Variants in DLGAP1 observed in about 807,000 individuals in gnomAD.
The protein encoded by DLGAP1 is DLG associated protein 1.
Under a neutral mutation model 90.8 loss-of-function variants are expected in DLGAP1, and 11 were observed. The observed-to-expected ratio is 0.12, with a 90% CI of 0.08 to 0.20. The LOEUF (loss-of-function observed/expected upper bound fraction) is 0.20. DLGAP1 is among the 10% of genes least tolerant of loss of function. DLGAP1 has a pLI of 1.00. For synonymous variants in DLGAP1, 558 were observed against 540.7 expected (o/e 1.03, Z -0.44); for missense variants, 1,050 against 1,333.8 (o/e 0.79, Z 3.31).
At chr18:3,707,101 T>G (rs2061457707) in intron 7 of DLGAP1, among the ~76,000 whole-genome samples, 1 of 152,108 alleles carries the variant, frequency 6.6e-6, no homozygotes, top group Non-Finnish European at 1.5e-5. Context: ...TAAGCCAAGA[T>G]CTAGTATTTG....
intron 4 of DLGAP1, among the ~76,000 whole-genome samples, chr18:3,828,311 TG>T (rs2067833878): frequency 1.3e-5 from 2 of 152,068 alleles, no homozygotes; most frequent in Admixed American, 6.6e-5. Context: ...CATCAGCCTC[TG>T]GGGGCCAGGG....
At chr18:3,809,113 A>G (rs2066704395) in intron 5 of DLGAP1, among the ~76,000 whole-genome samples, 1 of 152,154 alleles carries the variant, frequency 6.6e-6, no homozygotes, top group Admixed American at 6.5e-5. Flanking sequence ...TCGATGAATC[A>G]TGGTGGCTGG....
intron 7 of DLGAP1, among the ~76,000 whole-genome samples, chr18:3,640,183 A>C (rs2058887744): frequency 6.6e-6 from 1 of 152,150 alleles, no homozygotes; most frequent in South Asian, 2.1e-4. Context: ...TATTTAAAAA[A>C]TAGATATAAA....
chr18:4,185,195 TA>T (rs1234710177), intron 1 of DLGAP1, among the ~76,000 whole-genome samples: 3 of 152,090 alleles, frequency 2.0e-5, no homozygotes, highest in Non-Finnish European at 4.4e-5. Context: ...GCTTTAATAT[TA>T]AATACAATAA....
chr18:4,226,181 G>GAA (rs1199127762), intron 1 of DLGAP1, among the ~76,000 whole-genome samples: 1 of 152,012 alleles, frequency 6.6e-6, no homozygotes, highest in African/African-American at 2.4e-5. Flanking sequence ...ATTGATCTTA[G>GAA]AATAGGATAT....
chr18:3,664,191 C>A (rs1227263748), intron 7 of DLGAP1, among the ~76,000 whole-genome samples: 1 of 130,256 alleles, frequency 7.7e-6, no homozygotes, highest in African/African-American at 3.5e-5. Context: ...TATACACACA[C>A]ACACACACAC....
At chr18:3,679,392 A>C (rs113441777) in intron 7 of DLGAP1, among the ~76,000 whole-genome samples, 20 of 152,190 alleles carry the variant, frequency 1.3e-4, no homozygotes, top group African/African-American at 3.6e-4. Context: ...GAGAATGAAT[A>C]GCAACTTTGA....
At chr18:4,415,341 G>T (rs2144641216) in intron 1 of DLGAP1, among the ~76,000 whole-genome samples, 1 of 152,216 alleles carries the variant, frequency 6.6e-6, no homozygotes, top group South Asian at 2.1e-4. Context: ...TGGCACATGT[G>T]ATATGACAAT....
chr18:3,833,210 CT>C, intron 4 of DLGAP1, among the ~76,000 whole-genome samples: 2 of 50,512 alleles, frequency 4.0e-5, no homozygotes, highest in Non-Finnish European at 7.7e-5. Flanking sequence ...TCCTTCCTTC[CT>C]TCCTTCCTTC....
chr18:4,194,833 C>T (rs1413159572), intron 1 of DLGAP1, among the ~76,000 whole-genome samples: 2 of 152,030 alleles, frequency 1.3e-5, no homozygotes, highest in Admixed American at 6.6e-5. Context: ...TTATGGGACA[C>T]AAAGTCACGG....
chr18:3,754,301 C>T (rs1163136668), intron 5 of DLGAP1, among the ~76,000 whole-genome samples: 1 of 152,132 alleles, frequency 6.6e-6, no homozygotes, highest in African/African-American at 2.4e-5. Flanking sequence ...CGTACTCAGC[C>T]TCCTACTTCA....
At chr18:3,891,188 C>G (rs1599115973) in intron 3 of DLGAP1, among the ~76,000 whole-genome samples, 1 of 152,318 alleles carries the variant, frequency 6.6e-6, no homozygotes, top group South Asian at 2.1e-4. Context: ...ACTGTTTCCT[C>G]AGCTCTGCCC....
intron 1 of DLGAP1, among the ~76,000 whole-genome samples, chr18:4,360,543 A>C (rs1258082768): frequency 6.6e-6 from 1 of 152,228 alleles, no homozygotes; most frequent in Non-Finnish European, 1.5e-5. Context: ...AACATAGATA[A>C]ATAAAGCAAG....
intron 1 of DLGAP1, among the ~76,000 whole-genome samples, chr18:4,329,558 A>G (rs612419): frequency 0.22 from 33,398 of 151,794 alleles, 3,780 homozygotes; most frequent in Middle Eastern, 0.28. Context: ...TTAATTCACT[A>G]GGATTACATT....
intron 7 of DLGAP1, among the ~76,000 whole-genome samples, chr18:3,728,389 C>T (rs1034971851): frequency 2.0e-5 from 3 of 150,714 alleles, no homozygotes; most frequent in African/African-American, 7.3e-5. Flanking sequence ...TTCATATGCA[C>T]ACATTGTCAT....
chr18:3,795,647 A>G (rs1417371643), intron 5 of DLGAP1, among the ~76,000 whole-genome samples: 5 of 151,898 alleles, frequency 3.3e-5, no homozygotes, highest in African/African-American at 1.2e-4. Flanking sequence ...TGTATTATTT[A>G]TTTGTTTGTT....
At chr18:3,817,063 T>G (rs1448452651) in intron 4 of DLGAP1, among the ~76,000 whole-genome samples, 1 of 152,164 alleles carries the variant, frequency 6.6e-6, no homozygotes, top group Non-Finnish European at 1.5e-5. Flanking sequence ...ATGATCATCT[T>G]CAGAGCCTCA....
intron 2 of DLGAP1, among the ~76,000 whole-genome samples, chr18:4,058,705 T>C (rs763116017): frequency 7.2e-5 from 11 of 152,210 alleles, no homozygotes; most frequent in Admixed American, 3.3e-4. Flanking sequence ...TCCTCTTGTT[T>C]TCTCCCACTT....
At chr18:3,522,903 G>T (rs2051307214) in intron 10 of DLGAP1, among the ~76,000 whole-genome samples, 1 of 152,134 alleles carries the variant, frequency 6.6e-6, no homozygotes, top group Non-Finnish European at 1.5e-5. Context: ...GATAGCCTAA[G>T]TGTAGGACCA....
Sources: allele counts gnomAD v4.1 joint callset (sites outside exome capture counted in the v4.1 genomes callset), GRCh38; gene constraint gnomAD v4.1.1; transcripts MANE v1.5; gene names NCBI Gene and HGNC (gene_info 2026-07-23, HGNC 2026-07-21).